MYO5B: variants seen among roughly 807,000 people sequenced by gnomAD.
The protein encoded by MYO5B is myosin VB.
Under a neutral mutation model 229.3 loss-of-function variants are expected in MYO5B, and 143 were observed. The observed-to-expected ratio is 0.62, with a 90% confidence interval of 0.54 to 0.72. The LOEUF is 0.72. Among genes scored for constraint, MYO5B ranks in the 30% least tolerant of loss-of-function variants. The pLI, the probability that MYO5B is intolerant of heterozygous loss-of-function variation, is 0.00. For missense variants in MYO5B, 2,321 were observed against 2,331.0 expected (o/e 1.00, Z 0.09); for synonymous variants, 918 against 885.2 (o/e 1.04, Z -0.66).
At chr18:49,894,014 A>C (rs1220960185) in intron 22 of MYO5B, among the ~76,000 whole-genome samples, 2 of 152,208 alleles carry the variant, frequency 1.3e-5, no homozygotes, top group Non-Finnish European at 2.9e-5. Context: ...ATATACACAC[A>C]GATGAGGGAA....
chr18:49,953,474 C>T lies in MYO5B; in HGVS notation c.1669-131G>A, dbSNP rs529968207. ...GATAGGAAACCCACAGATGTTTCCA[C>T]TTAAAATGCAAACCCAATAAATGGT... On this transcript the variant is annotated intron_variant, in intron 13 of 39. Transcript: ENST00000285039. 6.6e-6 allele frequency: 5 copies of T among 762,370 alleles called. 1 individual carries two copies. The highest frequency in any genetic ancestry group is 5.8e-5 in the South Asian group (4 of 69,016). The allele number at this position is 762,370 out of a possible 1,614,324, so 47.2% of individuals were successfully genotyped here. A position where few individuals can be genotyped will look rare whatever the true frequency, so the allele number is the denominator to read the frequency against.
chr18:50,117,586 T>C (rs1434102094), intron 1 of MYO5B, among the ~76,000 whole-genome samples: 3 of 151,882 alleles, frequency 2.0e-5, no homozygotes, highest in Non-Finnish European at 2.9e-5. Context: ...AGAATTAGAA[T>C]ACCTACTTGT....
intron 18 of MYO5B, among the ~76,000 whole-genome samples, chr18:49,908,685 A>G (rs1029024463): frequency 1.3e-5 from 2 of 152,174 alleles, no homozygotes; most frequent in Admixed American, 1.3e-4. Context: ...CTTGCACGAC[A>G]GCCAGTCTCC....
At position 49,915,405 on chromosome 18, in the gene MYO5B, G is replaced by A. The variant is rs554961796; in HGVS notation, c.2091-3232C>T. ...TAGTGGCACAAGGGAACAAGAGCCC[G>A]TATTCAGCTCAGAGCTCATGAGTCT... On this transcript the variant is annotated intron_variant, in intron 17 of 39. Coordinates refer to ENST00000285039, the MANE Select transcript of MYO5B (RefSeq NM_001080467.3). Among the ~76,000 whole-genome samples, 9 of 152,282 alleles carry A rather than the reference G, an allele frequency of 5.9e-5. 1 individual carries two copies. The East Asian group carries it at 1.2e-3, about 20-fold the overall frequency.
At chr18:50,043,142 T>C (rs949538702) in intron 2 of MYO5B, among the ~76,000 whole-genome samples, 1 of 150,268 alleles carries the variant, frequency 6.7e-6, no homozygotes, top group Non-Finnish European at 1.5e-5. Context: ...TGCACGTTTA[T>C]AGCAGCACAA....
intron 1 of MYO5B, among the ~76,000 whole-genome samples, chr18:50,152,236 A>C (rs2032610203): frequency 6.6e-6 from 1 of 152,180 alleles, no homozygotes. Context: ...GCAATAATTA[A>C]AGCCACCTGC....
intron 2 of MYO5B, among the ~76,000 whole-genome samples, chr18:50,045,167 T>A (rs1035948155): frequency 6.6e-6 from 1 of 152,126 alleles, no homozygotes; most frequent in Non-Finnish European, 1.5e-5. Flanking sequence ...AGGAGTGACA[T>A]GTACCCTGGA....
chr18:49,882,439 C>A (rs1168582609), intron 22 of MYO5B, among the ~76,000 whole-genome samples: 1 of 151,692 alleles, frequency 6.6e-6, no homozygotes, highest in Admixed American at 6.6e-5. Context: ...ATGATCCTGG[C>A]CAACATGCTG....
At position 49,878,029 on chromosome 18, in the gene MYO5B, A is replaced by G. The variant is rs2276175; in HGVS notation, c.3277-147T>C. 224,513 of 990,370 alleles carry G rather than the reference A, an allele frequency of 0.23. 27,629 individuals carry two copies. The highest frequency in any genetic ancestry group is 0.38 in the East Asian group (15,509 of 40,508). The allele number at this position is 990,370 out of a possible 1,614,324, so 61.3% of individuals were successfully genotyped here. On this transcript the variant is annotated intron_variant, in intron 24 of 39. Coordinates refer to ENST00000285039, the MANE Select transcript of MYO5B (RefSeq NM_001080467.3). ...TGCTTCTTGGAATGATGGCTAAATA[A>G]AGCTAGCCCTATGAAACATTTCACC...
intron 1 of MYO5B, among the ~76,000 whole-genome samples, chr18:50,084,457 G>A (rs1351595606): frequency 1.3e-5 from 2 of 152,126 alleles, no homozygotes; most frequent in African/African-American, 2.4e-5. Flanking sequence ...GGCATCAATT[G>A]TTTACCTTAC....
At chr18:50,017,264 C>T (rs980557635) in intron 4 of MYO5B, among the ~76,000 whole-genome samples, 3 of 152,030 alleles carry the variant, frequency 2.0e-5, no homozygotes, top group Non-Finnish European at 2.9e-5. Context: ...ATTACAGGCA[C>T]GTGCCACTAC....
intron 22 of MYO5B, among the ~76,000 whole-genome samples, chr18:49,889,883 C>T (rs541863833): frequency 3.5e-4 from 54 of 152,328 alleles, no homozygotes; most frequent in Admixed American, 2.0e-3. Flanking sequence ...ATGTATGCCA[C>T]CTACACCTCC....
chr18:50,082,338 A>G (rs1287084454), intron 1 of MYO5B, among the ~76,000 whole-genome samples: 1 of 152,258 alleles, frequency 6.6e-6, no homozygotes, highest in Non-Finnish European at 1.5e-5. Context: ...ATGGACCAAC[A>G]GGTTGACCTG....
At chr18:50,043,374 TA>T (rs2030096425) in intron 2 of MYO5B, among the ~76,000 whole-genome samples, 1 of 108,502 alleles carries the variant, frequency 9.2e-6, no homozygotes, top group Non-Finnish European at 1.7e-5. Flanking sequence ...TTATATAATA[TA>T]TAATATATTA....
At chr18:50,155,550 C>T (rs1568127220) in intron 1 of MYO5B, among the ~76,000 whole-genome samples, 1 of 152,162 alleles carries the variant, frequency 6.6e-6, no homozygotes, top group South Asian at 2.1e-4. Context: ...TATCTACATG[C>T]TAATCAAAAA....
intron 8 of MYO5B, 139 bp downstream of exon 8, chr18:49,984,579 T>C: frequency 2.8e-6 from 2 of 724,950 alleles, no homozygotes; most frequent in East Asian, 2.6e-5. Context: ...GAGTAAGAGA[T>C]GACATTCACC....
chr18:50,053,113 G>T (rs1423026566), intron 2 of MYO5B, among the ~76,000 whole-genome samples: 3 of 152,152 alleles, frequency 2.0e-5, no homozygotes, highest in Non-Finnish European at 4.4e-5. Context: ...CTGTGCTCCT[G>T]CCTCTAGTCC....
At chr18:49,891,928 C>G (rs182968646) in intron 22 of MYO5B, among the ~76,000 whole-genome samples, 1 of 152,224 alleles carries the variant, frequency 6.6e-6, no homozygotes, top group African/African-American at 2.4e-5. Context: ...CTCACAAGGA[C>G]CAGGGACCCC....
chr18:50,021,718 TAAAAAAA>T (rs34172106), intron 4 of MYO5B, among the ~76,000 whole-genome samples: 11 of 119,596 alleles, frequency 9.2e-5, no homozygotes, highest in African/African-American at 2.6e-4. Context: ...CCCATCTGCG[TAAAAAAA>T]AAAAAAAAAA....
Sources: gnomAD v4.1 joint callset for allele counts (sites outside exome capture counted in the v4.1 genomes callset) on GRCh38, gnomAD v4.1.1 for gene constraint, MANE v1.5 for transcripts, NCBI Gene and HGNC (gene_info 2026-07-23, HGNC 2026-07-21) for gene names.